The following SYNE1 variants were observed in gnomAD, a reference collection of about 807,000 sequenced individuals.
The protein encoded by SYNE1 is spectrin repeat containing nuclear envelope protein 1, also known as nesprin-1.
A neutral mutation model predicts 1,111.0 loss-of-function variants in SYNE1; 616 were observed. That is an observed-to-expected ratio of 0.55 (90% CI 0.52 to 0.59). The LOEUF (loss-of-function observed/expected upper bound fraction) is 0.59, where lower values mean the gene tolerates loss of function less well. Among genes scored for constraint, SYNE1 ranks in the 20% least tolerant of loss-of-function variants. SYNE1 has a pLI of 0.00. For synonymous variants in SYNE1, 3,855 were observed against 3,825.8 expected (o/e 1.01, Z -0.28); for missense variants, 10,006 against 10,417.0 (o/e 0.96, Z 1.72).
chr6:152,146,635 G>A (rs2059563283), intron 137 of SYNE1: 1 of 152,164 alleles, frequency 6.6e-6, no homozygotes. Flanking sequence ...GTCATCCCTT[G>A]GGAATCTGAT....
rs1220907610 is a variant in SYNE1 at position 152,471,672 on chromosome 6, T to C, written c.1557A>G (p.Ala519=). 1 of 1,613,956 alleles carries C rather than the reference T, an allele frequency of 6.2e-7. No individual in the cohort carries two copies. Among genetic ancestry groups the C allele is most frequent in the African/African-American group, 1.3e-5 (1 of 74,946 alleles). Residue 519 remains alanine, a synonymous_variant, in exon 16 of 146, where the codon GCA becomes GCG. Transcript: ENST00000367255. ...KYRLLSLLVL[A]ESKLKSWIIK... is the part of the protein sequence containing the mutation. ...TGATCCAAGACTTCAGCTTTGACTC[T>C]GCAAGAACCAGCAGTGAGAGCAGAC...
intron 105 of SYNE1, 150 bp downstream of exon 105, chr6:152,249,011 T>G: frequency 1.5e-6 from 1 of 678,008 alleles, no homozygotes; most frequent in Admixed American, 2.1e-5. Context: ...TCACCTGGTA[T>G]GTTATTCAAA....
chr6:152,362,581 C>T (rs2096952462), intron 63 of SYNE1, among the ~76,000 whole-genome samples: 1 of 152,098 alleles, frequency 6.6e-6, no homozygotes, highest in Non-Finnish European at 1.5e-5. Context: ...GAGTCAGCGG[C>T]TGGGGGGACA....
chr6:152,615,089 C>A (rs958695008), intron 3 of SYNE1, among the ~76,000 whole-genome samples: 2 of 152,098 alleles, frequency 1.3e-5, no homozygotes, highest in Admixed American at 6.6e-5. Context: ...ACGTATAAAC[C>A]TGCACATGTA....
At chr6:152,530,281 A>G (rs566134154) in intron 4 of SYNE1, among the ~76,000 whole-genome samples, 91 of 152,294 alleles carry the variant, frequency 6.0e-4, no homozygotes, top group African/African-American at 2.0e-3. Flanking sequence ...ATCATCTAAA[A>G]TTAATTTTAT....
At chr6:152,411,354 T>A (rs930231446) in intron 42 of SYNE1, among the ~76,000 whole-genome samples, 1 of 152,216 alleles carries the variant, frequency 6.6e-6, no homozygotes, top group African/African-American at 2.4e-5. Context: ...TTTACTTACT[T>A]ATTTATTTTA....
chr6:152,265,727 A>G (rs1341199301), intron 100 of SYNE1, among the ~76,000 whole-genome samples: 1 of 152,144 alleles, frequency 6.6e-6, no homozygotes, highest in Non-Finnish European at 1.5e-5. Context: ...TTTTATATTG[A>G]CATCAACAAA....
intron 51 of SYNE1, among the ~76,000 whole-genome samples, chr6:152,392,656 A>T (rs2097663701): frequency 6.6e-6 from 1 of 152,170 alleles, no homozygotes; most frequent in South Asian, 2.1e-4. Context: ...TCTGTAACAA[A>T]CTTGCACATC....
At position 152,418,644 on chromosome 6, in the gene SYNE1, A is replaced by C. The variant is rs2098204419; in HGVS notation, c.5421+925T>G. Among the ~76,000 whole-genome samples, 6 of 152,188 alleles carry C rather than the reference A, an allele frequency of 3.9e-5. No individual in the cohort carries two copies. The South Asian group carries it at 1.2e-3, about 32-fold the overall frequency. Reference sequence around the variant, plus strand: ...ATATGTCACTTTGGACTTTAAACTGAGAGAACCTGAGGAGCAGCAAATTCA... The same window carrying C: ...ATATGTCACTTTGGACTTTAAACTGCGAGAACCTGAGGAGCAGCAAATTCA... On this transcript the variant is annotated intron_variant, in intron 40 of 145. Transcript: ENST00000367255.
intron 44 of SYNE1, among the ~76,000 whole-genome samples, chr6:152,407,626 G>A (rs1180411304): frequency 1.3e-5 from 2 of 151,786 alleles, no homozygotes; most frequent in Admixed American, 6.6e-5. Flanking sequence ...ATAACATAAC[G>A]CATATGAAAG....
intron 72 of SYNE1, among the ~76,000 whole-genome samples, chr6:152,349,882 A>T (rs1252545488): frequency 6.6e-6 from 1 of 152,194 alleles, no homozygotes; most frequent in Non-Finnish European, 1.5e-5. Context: ...GTCTGCTGCC[A>T]TGTGAGATGT....
rs1587949641 is a variant in SYNE1, at chr6:152,213,554, G to C, written c.22494+58C>G. 3.2e-6 allele frequency: 5 copies of C among 1,582,362 alleles called. No individual in the cohort carries two copies. In the East Asian group the frequency reaches 1.1e-4, roughly 35 times the overall value. ...TAATTCTCCCACACAGCATTTCGTA[G>C]CATCTTCTAAGGGCCTAAAAATTTC... On this transcript the variant is annotated intron_variant, in intron 123 of 145. Coordinates refer to ENST00000367255, the MANE Select transcript of SYNE1 (RefSeq NM_182961.4).
In SYNE1 at chr6:152,505,225, T is replaced by TC; in HGVS notation, c.753dup (p.Ile252AspfsTer8). ...CCTTCAGGATCTAGCAGTCTTGGGATCCCCAGTTCTGTTTCGGCGATAGTG... is the reference window on the plus strand; with the variant it reads ...CCTTCAGGATCTAGCAGTCTTGGGATCCCCCAGTTCTGTTTCGGCGATAGTG... On this transcript the variant is annotated frameshift_variant, in exon 9 of 146. Transcript: ENST00000367255. LOFTEE classifies it high-confidence loss of function. 1 of 1,614,028 alleles carries TC rather than the reference T, an allele frequency of 6.2e-7. No individual in the cohort carries two copies. The highest frequency in any genetic ancestry group is 8.5e-7 in the Non-Finnish European group (1 of 1,179,972).
At chr6:152,347,847 A>AT (rs764560850) in intron 72 of SYNE1, among the ~76,000 whole-genome samples, 21,618 of 139,118 alleles carry the variant, frequency 0.16, 1,824 homozygotes, top group African/African-American at 0.19. Flanking sequence ...CACCTGGCTA[A>AT]TTTTTTTTTT....
intron 105 of SYNE1, among the ~76,000 whole-genome samples, chr6:152,247,784 T>C (rs9479277): frequency 0.063 from 8,086 of 128,090 alleles, 277 homozygotes; most frequent in East Asian, 0.11. Context: ...CACACACATA[T>C]ATTTTTAAAA....
chr6:152,256,097 AAAAAT>A (rs536718862), intron 102 of SYNE1, among the ~76,000 whole-genome samples: 36 of 150,136 alleles, frequency 2.4e-4, no homozygotes, highest in Non-Finnish European at 3.7e-4. Context: ...AGACTCTGAA[AAAAAT>A]AAAATAAAAT....
At chr6:152,354,554 T>C (rs918868008) in intron 67 of SYNE1, 105 bp downstream of exon 67, 1 of 1,352,238 alleles carries the variant, frequency 7.4e-7, no homozygotes, top group Non-Finnish European at 1.0e-6. Flanking sequence ...AAAAAGATTT[T>C]GCAAAGCCTA....
chr6:152,337,118 G>A, intron 75 of SYNE1, 101 bp from the exon 76 acceptor site: 1 of 1,150,892 alleles, frequency 8.7e-7, no homozygotes, highest in Non-Finnish European at 1.3e-6. Context: ...GCACTCATTT[G>A]ACACACACAT....
intron 75 of SYNE1, 92 bp from the exon 76 acceptor site, chr6:152,337,109 C>A (rs2096408939): frequency 1.5e-6 from 2 of 1,324,128 alleles, no homozygotes; most frequent in Non-Finnish European, 2.1e-6. Flanking sequence ...CTGGCCTGTG[C>A]ACTCATTTGA....
Sources: gnomAD v4.1 joint callset for allele counts (sites outside exome capture counted in the v4.1 genomes callset) on GRCh38, gnomAD v4.1.1 for gene constraint, MANE v1.5 for transcripts, NCBI Gene and HGNC (gene_info 2026-07-23, HGNC 2026-07-21) for gene names.